Variants in SV2C observed in about 807,000 individuals in gnomAD.
SV2C encodes the protein solute carrier family 22 member B3.
SV2C carries 49 observed loss-of-function variants against 79.7 expected under a neutral mutation model. The ratio of observed to expected loss-of-function variants is 0.61; its 90% CI spans 0.49 to 0.78. The LOEUF (loss-of-function observed/expected upper bound fraction) is 0.78. SV2C is among the 30% of genes least tolerant of loss of function. The probability of loss-of-function intolerance (pLI) is 0.00; values close to 1 mark genes in which losing one functional copy is unlikely to be tolerated. For synonymous variants in SV2C, 334 were observed against 333.2 expected (o/e 1.00, Z -0.03); for missense variants, 833 against 912.9 (o/e 0.91, Z 1.13).
intron 4 of SV2C, among the ~76,000 whole-genome samples, chr5:76,282,220 GATATAATAAGCAAATT>G (rs150458664): frequency 0.016 from 2,509 of 152,358 alleles, 51 homozygotes; most frequent in Middle Eastern, 0.082. Flanking sequence ...ATAAGCAAAT[GATATAATAAGCAAATT>G]GATATAATAA....
At chr5:75,946,716 A>G in the SV2C span, among the ~76,000 whole-genome samples, 1 of 152,222 alleles carries the variant, frequency 6.6e-6, no homozygotes, top group Middle Eastern at 3.4e-3. Flanking sequence ...ACATTCTGGA[A>G]AAACAAAACT....
chr5:76,267,944 C>T (rs762545040), intron 4 of SV2C, among the ~76,000 whole-genome samples: 25 of 152,274 alleles, frequency 1.6e-4, no homozygotes, highest in Non-Finnish European at 2.6e-4. Flanking sequence ...TTGTTTGGAT[C>T]CCACACAAGC....
intron 2 of SV2C, among the ~76,000 whole-genome samples, chr5:76,172,345 C>T (rs1224500808): frequency 3.9e-5 from 3 of 77,032 alleles, no homozygotes; most frequent in African/African-American, 1.3e-4. Flanking sequence ...AGGTGAGGGG[C>T]GCCTCTGCCC....
chr5:76,021,961 C>A, the SV2C span, among the ~76,000 whole-genome samples: 1 of 152,202 alleles, frequency 6.6e-6, no homozygotes, highest in African/African-American at 2.4e-5. Flanking sequence ...TTAAACTATT[C>A]TTGGATCATT....
At chr5:75,952,906 AC>A in the SV2C span, among the ~76,000 whole-genome samples, 1 of 151,992 alleles carries the variant, frequency 6.6e-6, no homozygotes, top group Non-Finnish European at 1.5e-5. Context: ...TCCAAAGCTT[AC>A]TTCTCCCTCC....
At chr5:76,321,550 G>T (rs1748829568) in intron 12 of SV2C, among the ~76,000 whole-genome samples, 1 of 151,890 alleles carries the variant, frequency 6.6e-6, no homozygotes, top group South Asian at 2.1e-4. Flanking sequence ...GACCATCCTG[G>T]GCAATATGAT....
At chr5:75,849,340 A>G in the SV2C span, among the ~76,000 whole-genome samples, 1 of 152,228 alleles carries the variant, frequency 6.6e-6, no homozygotes, top group African/African-American at 2.4e-5. Context: ...AGTGAGATAA[A>G]CAGAACTCAA....
In SV2C at chr5:76,173,883, G is replaced by T. The variant is rs763454179; in HGVS notation, c.581-21036G>T. 4 of 1,596,118 alleles carry T rather than the reference G, an allele frequency of 2.5e-6. No homozygotes were observed. The Admixed American group carries it at 5.0e-5, about 20-fold the overall frequency. On this transcript the variant is annotated intron_variant, in intron 2 of 12. Transcript: ENST00000502798. The stretch of plus-strand genomic sequence containing the variant: ...ACATCATCAGTGTCTTTAACTCGAA[G>T]AATCTGTTCTCTCAGGTCTTGTAAA...
At chr5:76,070,360 G>A in the SV2C span, among the ~76,000 whole-genome samples, 2 of 152,078 alleles carry the variant, frequency 1.3e-5, no homozygotes, top group African/African-American at 2.4e-5. Flanking sequence ...TCCTGCCCAG[G>A]CCTTGTTCTA....
intron 2 of SV2C, among the ~76,000 whole-genome samples, chr5:76,154,362 TAAGGGAAGATG>T (rs1221306298): frequency 6.6e-6 from 1 of 152,210 alleles, no homozygotes; most frequent in Non-Finnish European, 1.5e-5. Context: ...GATTTGAATG[TAAGGGAAGATG>T]ATGACCACTG....
chr5:75,888,648 T>C, the SV2C span, among the ~76,000 whole-genome samples: 1 of 152,066 alleles, frequency 6.6e-6, no homozygotes, highest in South Asian at 2.1e-4. Flanking sequence ...CTCTACCAAC[T>C]TCATCTAATG....
chr5:75,955,620 G>T, the SV2C span, among the ~76,000 whole-genome samples: 1 of 147,000 alleles, frequency 6.8e-6, no homozygotes, highest in South Asian at 2.2e-4. Context: ...CCTACAAAAT[G>T]GGAGAAAATT....
At chr5:76,172,410 G>A (rs1322555588) in intron 2 of SV2C, among the ~76,000 whole-genome samples, 3 of 64,946 alleles carry the variant, frequency 4.6e-5, no homozygotes, top group African/African-American at 7.2e-5. Flanking sequence ...CGCCCCGTCC[G>A]GGAGGGAGGT....
intron 2 of SV2C, among the ~76,000 whole-genome samples, chr5:76,136,825 G>A (rs1177838508): frequency 6.6e-6 from 1 of 152,204 alleles, no homozygotes; most frequent in African/African-American, 2.4e-5. Context: ...CAATAGCCTG[G>A]ACTTGGTAGG....
chr5:76,266,949 A>G (rs911285402), intron 4 of SV2C, among the ~76,000 whole-genome samples: 1 of 152,216 alleles, frequency 6.6e-6, no homozygotes, highest in African/African-American at 2.4e-5. Flanking sequence ...TGCACTGTCT[A>G]CCTTTTCCAG....
the SV2C span, among the ~76,000 whole-genome samples, chr5:76,037,353 G>GT: frequency 7.2e-5 from 11 of 152,266 alleles, no homozygotes; most frequent in East Asian, 1.2e-3. Flanking sequence ...TCTCTGCTCT[G>GT]TTTTTTTCCC....
At chr5:76,154,342 G>T (rs1742657700) in intron 2 of SV2C, among the ~76,000 whole-genome samples, 1 of 152,148 alleles carries the variant, frequency 6.6e-6, no homozygotes, top group African/African-American at 2.4e-5. Flanking sequence ...TATAAAACCA[G>T]TGATGGCCTG....
At chr5:75,921,207 C>T in the SV2C span, 2 of 1,077,190 alleles carry the variant, frequency 1.9e-6, no homozygotes, top group Non-Finnish European at 2.8e-6. Flanking sequence ...CAGGGGCCAG[C>T]AGCCGAGATG....
At chr5:76,184,563 A>C (rs572277910) in intron 2 of SV2C, among the ~76,000 whole-genome samples, 11 of 152,338 alleles carry the variant, frequency 7.2e-5, no homozygotes, top group Admixed American at 2.0e-4. Flanking sequence ...GGTCTCAAGA[A>C]ACTTACAATC....
Sources: allele counts gnomAD v4.1 joint callset (sites outside exome capture counted in the v4.1 genomes callset), GRCh38; gene constraint gnomAD v4.1.1; transcripts MANE v1.5; gene names NCBI Gene and HGNC (gene_info 2026-07-23, HGNC 2026-07-21).